Variants in UNC13C observed in about 807,000 individuals in gnomAD.
The protein encoded by UNC13C is protein unc-13 homolog C.
Under a neutral mutation model 245.4 loss-of-function variants are expected in UNC13C, and 174 were observed. That is an observed-to-expected ratio of 0.71 (90% confidence interval 0.63 to 0.80). The LOEUF is 0.80. Ranked by LOEUF, UNC13C falls within the 30% of genes least tolerant of loss-of-function variation. UNC13C has a pLI of 0.00. For missense variants in UNC13C, 2,829 were observed against 2,602.9 expected (o/e 1.09, Z -1.89); for synonymous variants, 992 against 895.1 (o/e 1.11, Z -1.93).
At chr15:54,229,738 T>A (rs2035495917) in intron 4 of UNC13C, among the ~76,000 whole-genome samples, 1 of 152,132 alleles carries the variant, frequency 6.6e-6, no homozygotes, top group Non-Finnish European at 1.5e-5. Context: ...TCCTCCTGTG[T>A]AACTAATTTT....
intron 19 of UNC13C, among the ~76,000 whole-genome samples, chr15:54,432,996 A>C (rs1231442886): frequency 1.3e-5 from 2 of 152,136 alleles, no homozygotes; most frequent in African/African-American, 4.8e-5. Flanking sequence ...AAAATCTAGA[A>C]GAAATGGATA....
At chr15:54,065,170 A>G (rs543928796) in intron 2 of UNC13C, among the ~76,000 whole-genome samples, 37 of 152,264 alleles carry the variant, frequency 2.4e-4, no homozygotes, top group South Asian at 6.2e-4. Flanking sequence ...GATCAGAGAG[A>G]TAAACACCAG....
chr15:54,211,898 T>G (rs752017949), intron 4 of UNC13C, among the ~76,000 whole-genome samples: 7 of 152,118 alleles, frequency 4.6e-5, no homozygotes, highest in Non-Finnish European at 7.4e-5. Flanking sequence ...TGCCAAAGTC[T>G]TCTCCTCCCT....
chr15:53,861,717 G>T, the UNC13C span, among the ~76,000 whole-genome samples: 1 of 152,304 alleles, frequency 6.6e-6, no homozygotes, highest in South Asian at 2.1e-4. Context: ...CCAGCACATT[G>T]CTCAGTGGGC....
chr15:54,266,037 A>G (rs1383152362), intron 10 of UNC13C, among the ~76,000 whole-genome samples: 1 of 152,010 alleles, frequency 6.6e-6, no homozygotes, highest in Non-Finnish European at 1.5e-5. Context: ...TTTTTCTCTC[A>G]AAAGTTCTTT....
At chr15:54,406,997 A>C (rs1055301889) in intron 18 of UNC13C, among the ~76,000 whole-genome samples, 5 of 152,250 alleles carry the variant, frequency 3.3e-5, no homozygotes, top group African/African-American at 1.2e-4. Context: ...TAGATTATTC[A>C]TAGTAAGGGT....
chr15:54,538,133 CAAAAAAAAAAAAA>C (rs56041311), intron 26 of UNC13C, among the ~76,000 whole-genome samples: 18 of 10,250 alleles, frequency 1.8e-3, no homozygotes, highest in African/African-American at 3.0e-3. Context: ...CATTAACAAG[CAAAAAAAAAAAAA>C]AAAAAAAAAA....
the UNC13C span, among the ~76,000 whole-genome samples, chr15:53,935,298 T>C: frequency 6.6e-6 from 1 of 152,198 alleles, no homozygotes; most frequent in Non-Finnish European, 1.5e-5. Context: ...TCTCAGTTCT[T>C]AGCTTTATTC....
chr15:53,873,362 C>T, the UNC13C span, among the ~76,000 whole-genome samples: 6 of 152,132 alleles, frequency 3.9e-5, no homozygotes, highest in Non-Finnish European at 8.8e-5. Flanking sequence ...TACCCCGCAG[C>T]TTGCTCCTGG....
chr15:53,976,863 G>GGT (rs1387523497), upstream of UNC13C: 2 of 152,146 alleles, frequency 1.3e-5, no homozygotes, highest in Non-Finnish European at 2.9e-5. Flanking sequence ...TCAGTGAATA[G>GGT]GTGTTCTTTT....
intron 10 of UNC13C, among the ~76,000 whole-genome samples, chr15:54,276,843 T>C (rs551938280): frequency 9.2e-5 from 14 of 152,246 alleles, no homozygotes; most frequent in Non-Finnish European, 1.3e-4. Context: ...TTATATATGT[T>C]ACTGTAATTT....
chr15:54,397,042 G>T (rs1047229627), intron 18 of UNC13C, among the ~76,000 whole-genome samples: 1 of 151,298 alleles, frequency 6.6e-6, no homozygotes, highest in African/African-American at 2.4e-5. Flanking sequence ...TGATGGAATA[G>T]TCCAATTTAT....
At chr15:53,975,553 T>C (rs1893669749), upstream of UNC13C, among the ~76,000 whole-genome samples, 1 of 152,202 alleles carries the variant, frequency 6.6e-6, no homozygotes, top group Non-Finnish European at 1.5e-5. Context: ...CAGGATTGGT[T>C]TATGCTTTTT....
intron 19 of UNC13C, among the ~76,000 whole-genome samples, chr15:54,430,302 A>G (rs1182608945): frequency 6.6e-6 from 1 of 151,676 alleles, no homozygotes; most frequent in Non-Finnish European, 1.5e-5. Flanking sequence ...TCTGGAGCAT[A>G]TTGGTTACTG....
chr15:54,230,690 C>T (rs901842063), intron 4 of UNC13C, among the ~76,000 whole-genome samples: 28 of 151,796 alleles, frequency 1.8e-4, no homozygotes, highest in African/African-American at 6.8e-4. Context: ...ATGGAAAGAA[C>T]TGAGAAACAA....
intron 29 of UNC13C, among the ~76,000 whole-genome samples, chr15:54,562,207 A>G (rs763892985): frequency 6.6e-6 from 1 of 151,906 alleles, no homozygotes; most frequent in East Asian, 1.9e-4. Flanking sequence ...ATTGGAAAGA[A>G]CTCCAGCATT....
chr15:53,978,392 G>C (rs972253566), upstream of UNC13C, among the ~76,000 whole-genome samples: 2 of 152,186 alleles, frequency 1.3e-5, no homozygotes, highest in Admixed American at 6.5e-5. Flanking sequence ...AGGGAGCCCG[G>C]GCGCTCTCGG....
At chr15:54,224,506 T>C (rs2035318145) in intron 4 of UNC13C, among the ~76,000 whole-genome samples, 1 of 152,194 alleles carries the variant, frequency 6.6e-6, no homozygotes, top group African/African-American at 2.4e-5. Context: ...CAATGATCTT[T>C]TCAATATGTT....
intron 2 of UNC13C, among the ~76,000 whole-genome samples, chr15:54,038,125 T>TA (rs1491459554): frequency 0.017 from 477 of 28,300 alleles, 3 homozygotes; most frequent in African/African-American, 0.029. Flanking sequence ...TATATATATA[T>TA]TTTTTTTTTT....
Sources: gnomAD v4.1 joint callset for allele counts (sites outside exome capture counted in the v4.1 genomes callset) on GRCh38, gnomAD v4.1.1 for gene constraint, MANE v1.5 for transcripts, NCBI Gene and HGNC (gene_info 2026-07-23, HGNC 2026-07-21) for gene names.